Variants in PAWR observed in about 807,000 individuals in gnomAD.
The protein encoded by PAWR is PRKC apoptosis WT1 regulator protein.
In PAWR, 23 loss-of-function variants were observed where a neutral mutation model predicts 32.0. The ratio of observed to expected loss-of-function variants is 0.72; its 90% CI spans 0.52 to 1.02. PAWR has a LOEUF of 1.02. PAWR is among the 50% of genes least tolerant of loss of function. The pLI is 0.00. For synonymous variants in PAWR, 226 were observed against 187.1 expected (o/e 1.21, Z -1.70); for missense variants, 457 against 437.7 (o/e 1.04, Z -0.39).
chr12:79,619,785 T>C (rs746266330), intron 3 of PAWR, among the ~76,000 whole-genome samples: 10 of 152,226 alleles, frequency 6.6e-5, no homozygotes, highest in Non-Finnish European at 1.5e-4. Context: ...TGCAATGGGA[T>C]GGTTTCTATT....
At chr12:79,672,867 T>C (rs957527319) in intron 2 of PAWR, among the ~76,000 whole-genome samples, 3 of 152,194 alleles carry the variant, frequency 2.0e-5, no homozygotes, top group African/African-American at 7.2e-5. Context: ...CCCACCACTA[T>C]CTGTCCTATA....
At chr12:79,681,857 T>G (rs1037608081) in intron 2 of PAWR, among the ~76,000 whole-genome samples, 1 of 152,204 alleles carries the variant, frequency 6.6e-6, no homozygotes, top group African/African-American at 2.4e-5. Context: ...AATCGTACTT[T>G]TTATTCCTAT....
intron 4 of PAWR, among the ~76,000 whole-genome samples, chr12:79,601,341 GA>G (rs2136680294): frequency 6.6e-6 from 1 of 151,200 alleles, no homozygotes; most frequent in South Asian, 2.1e-4. Flanking sequence ...TCAGCCTCTG[GA>G]GTAGCTACAT....
chr12:79,637,304 A>G (rs1183564920), intron 2 of PAWR, among the ~76,000 whole-genome samples: 1 of 152,144 alleles, frequency 6.6e-6, no homozygotes, highest in Non-Finnish European at 1.5e-5. Context: ...AAATTAAAAT[A>G]GATTCCACTC....
At chr12:79,616,428 T>C (rs73343666) in intron 3 of PAWR, among the ~76,000 whole-genome samples, 1 of 152,138 alleles carries the variant, frequency 6.6e-6, no homozygotes, top group Non-Finnish European at 1.5e-5. Context: ...CAACTGAAAT[T>C]GTATGAATAA....
At chr12:79,654,338 T>C (rs763702552) in intron 2 of PAWR, among the ~76,000 whole-genome samples, 2 of 152,122 alleles carry the variant, frequency 1.3e-5, no homozygotes, top group Non-Finnish European at 2.9e-5. Context: ...ATGTGATCAA[T>C]AAATTTTAAA....
intron 4 of PAWR, among the ~76,000 whole-genome samples, chr12:79,605,871 C>CGA (rs1474719702): frequency 1.3e-5 from 2 of 152,102 alleles, no homozygotes; most frequent in African/African-American, 4.8e-5. Flanking sequence ...GCCAGGATTT[C>CGA]AAGATCAGCC....
chr12:79,619,786 G>T (rs559913682), intron 3 of PAWR, among the ~76,000 whole-genome samples: 1 of 152,232 alleles, frequency 6.6e-6, no homozygotes, highest in South Asian at 2.1e-4. Flanking sequence ...GCAATGGGAT[G>T]GTTTCTATTA....
intron 2 of PAWR, among the ~76,000 whole-genome samples, chr12:79,689,328 C>A (rs1167799197): frequency 6.6e-6 from 1 of 152,122 alleles, no homozygotes; most frequent in Non-Finnish European, 1.5e-5. Flanking sequence ...CTGGTAACTT[C>A]ACATGGGCAC....
chr12:79,629,321 A>G (rs1434579437), intron 2 of PAWR, among the ~76,000 whole-genome samples: 3 of 152,156 alleles, frequency 2.0e-5, no homozygotes, highest in Non-Finnish European at 2.9e-5. Context: ...CATAAAACAC[A>G]TATCTAATGT....
At chr12:79,612,498 T>C (rs563973204) in intron 4 of PAWR, among the ~76,000 whole-genome samples, 3 of 152,304 alleles carry the variant, frequency 2.0e-5, no homozygotes, top group Admixed American at 1.3e-4. Context: ...CTTACATAGT[T>C]AATAAAAATG....
At chr12:79,593,730 C>A (rs2136671711) in intron 6 of PAWR, among the ~76,000 whole-genome samples, 1 of 130,566 alleles carries the variant, frequency 7.7e-6, no homozygotes, top group Admixed American at 8.1e-5. Context: ...GAGACAGAGT[C>A]TTACTCTTGC....
At chr12:79,644,573 A>G (rs1220263424) in intron 2 of PAWR, among the ~76,000 whole-genome samples, 2 of 152,206 alleles carry the variant, frequency 1.3e-5, no homozygotes, top group Admixed American at 6.5e-5. Context: ...TGTGCTTCAG[A>G]AAGTTTTAAA....
At chr12:79,680,810 C>T (rs914955891) in intron 2 of PAWR, among the ~76,000 whole-genome samples, 1 of 151,920 alleles carries the variant, frequency 6.6e-6, no homozygotes, top group African/African-American at 2.4e-5. Flanking sequence ...TTTCAGGAAA[C>T]ACAATATATG....
chr12:79,664,663 G>GT (rs1039933132), intron 2 of PAWR, among the ~76,000 whole-genome samples: 48 of 149,192 alleles, frequency 3.2e-4, no homozygotes, highest in South Asian at 4.2e-4. Context: ...TTTGGCGGGG[G>GT]GGGGAGGAGA....
chr12:79,671,075 G>A (rs1877871917), intron 2 of PAWR, among the ~76,000 whole-genome samples: 1 of 140,964 alleles, frequency 7.1e-6, no homozygotes, highest in South Asian at 2.2e-4. Context: ...AATTGCTTAA[G>A]CCTAGGAGTT....
At chr12:79,632,361 A>ATTTT (rs755937992) in intron 2 of PAWR, among the ~76,000 whole-genome samples, 241 of 20,548 alleles carry the variant, frequency 0.012, 10 homozygotes, top group Non-Finnish European at 0.014. Context: ...ATATATATAT[A>ATTTT]TTTTTTTTTT....
chr12:79,597,116 T>G (rs1873792616), intron 4 of PAWR: 1 of 152,384 alleles, frequency 6.6e-6, no homozygotes, highest in African/African-American at 2.4e-5. Context: ...TGGAGTGCAG[T>G]GGTGCAATCA....
chr12:79,634,244 T>C (rs1592518267), intron 2 of PAWR, among the ~76,000 whole-genome samples: 1 of 152,298 alleles, frequency 6.6e-6, no homozygotes, highest in East Asian at 1.9e-4. Flanking sequence ...ATTTAATATA[T>C]AAAGATATGT....
Sources: gnomAD v4.1 joint callset for allele counts (sites outside exome capture counted in the v4.1 genomes callset) on GRCh38, gnomAD v4.1.1 for gene constraint, MANE v1.5 for transcripts, NCBI Gene and HGNC (gene_info 2026-07-23, HGNC 2026-07-21) for gene names.